The following ADAMTS17 variants were observed in gnomAD, a reference collection of about 807,000 sequenced individuals.
ADAMTS17 encodes the protein ADAM metallopeptidase with thrombospondin type 1 motif 17, also known as A disintegrin and metalloproteinase with thrombospondin motifs 17.
Under a neutral mutation model 141.5 loss-of-function variants are expected in ADAMTS17, and 113 were observed. The observed-to-expected ratio is 0.80, with a 90% CI of 0.69 to 0.93. The LOEUF is 0.93. Among genes scored for constraint, ADAMTS17 ranks in the 40% least tolerant of loss-of-function variants. The pLI is 0.00. For synonymous variants in ADAMTS17, 768 were observed against 630.6 expected (o/e 1.22, Z -3.27); for missense variants, 1,659 against 1,517.9 (o/e 1.09, Z -1.54).
rs746966573 is a variant in ADAMTS17 at position 100,193,336 on chromosome 15, G to A, written c.1181+5982C>T. On this transcript the variant is annotated intron_variant, in intron 8 of 21. Transcript: ENST00000268070. ...CATTCAGAATAGCTGGGTCCTGAGCGCTCACTCAGAAGTGGTGAGGTGCAT... is the reference window on the plus strand; with the variant it reads ...CATTCAGAATAGCTGGGTCCTGAGCACTCACTCAGAAGTGGTGAGGTGCAT... Among the ~76,000 whole-genome samples, 5 of 152,306 alleles carry A rather than the reference G, an allele frequency of 3.3e-5. No homozygotes were observed. In the East Asian group the frequency reaches 7.7e-4, roughly 24 times the overall value.
intron 7 of ADAMTS17, among the ~76,000 whole-genome samples, chr15:100,252,549 C>G (rs904458841): frequency 6.6e-6 from 1 of 152,190 alleles, no homozygotes; most frequent in African/African-American, 2.4e-5. Context: ...AAGCCTGACC[C>G]GTGAACCCCA....
chr15:99,973,158 G>T lies in ADAMTS17; in HGVS notation c.*1244C>A, dbSNP rs561561821. The T allele has an allele frequency of 1.1e-5, 1 of 89,220 alleles. No individual in the cohort carries two copies. The highest frequency in any genetic ancestry group is 3.9e-5 in the African/African-American group (1 of 25,472). 5.5% of individuals were successfully genotyped at this position (89,220 alleles called of 1,614,324 possible). On this transcript the variant is annotated 3_prime_UTR_variant, in exon 22 of 22. Transcript: ENST00000268070. ...GCTGCCAGGCGTAAGGGGGCTGCAGGGGGGAAGGACCTTCCTTCATCATGC... is the reference window on the plus strand; with the variant it reads ...GCTGCCAGGCGTAAGGGGGCTGCAGTGGGGAAGGACCTTCCTTCATCATGC...
chr15:100,091,463 G>A (rs940903912), intron 15 of ADAMTS17, among the ~76,000 whole-genome samples: 1 of 152,168 alleles, frequency 6.6e-6, no homozygotes, highest in Admixed American at 6.5e-5. Flanking sequence ...CCTTTGCCGT[G>A]GTTCCAGGAG....
In ADAMTS17 at chr15:100,215,551, C is replaced by A. The variant is rs573413502; in HGVS notation, c.1076-16128G>T. Among the ~76,000 whole-genome samples, 279 of 152,196 alleles carry A rather than the reference C, an allele frequency of 1.8e-3. 2 individuals carry two copies. The highest frequency in any genetic ancestry group is 6.1e-3 in the African/African-American group (254 of 41,524). On this transcript the variant is annotated intron_variant, in intron 7 of 21. Transcript: ENST00000268070. ...AGAGAAGTTGACAGCCCCTAAGATA[C>A]CTGCCCTGGTCACTGCTGCCCTTGG...
intron 12 of ADAMTS17, among the ~76,000 whole-genome samples, chr15:100,124,453 A>C (rs1217802733): frequency 6.6e-6 from 1 of 152,248 alleles, no homozygotes; most frequent in Non-Finnish European, 1.5e-5. Flanking sequence ...GAACGGCCAA[A>C]ACCAGAGAGA....
chr15:100,107,582 T>A (rs1014870774), intron 14 of ADAMTS17, among the ~76,000 whole-genome samples: 3 of 152,036 alleles, frequency 2.0e-5, no homozygotes, highest in African/African-American at 7.2e-5. Context: ...AAGGTGATGG[T>A]GTTAGGAGGT....
chr15:100,018,304 T>A (rs1208479165), intron 18 of ADAMTS17, among the ~76,000 whole-genome samples: 1 of 151,940 alleles, frequency 6.6e-6, no homozygotes, highest in Non-Finnish European at 1.5e-5. Context: ...CCTAATCAGA[T>A]AATGGGCAAA....
Position 100,078,923 on chromosome 15 carries a change from G to T in ADAMTS17, c.2137+17433C>A, listed in dbSNP as rs554103281. On this transcript the variant is annotated intron_variant, in intron 15 of 21. Coordinates refer to ENST00000268070, the MANE Select transcript of ADAMTS17 (RefSeq NM_139057.4). ...GCAAAGGATTTTAACAGGCACTTCC[G>T]CAAAAAAGATATATGAACAATCCAT... Among the ~76,000 whole-genome samples, 13 of 152,140 alleles carry T rather than the reference G, an allele frequency of 8.5e-5. No individual in the cohort carries two copies. In the South Asian group the frequency reaches 2.7e-3, roughly 32 times the overall value.
chr15:100,110,467 T>C (rs2036702918), intron 13 of ADAMTS17, among the ~76,000 whole-genome samples: 1 of 151,776 alleles, frequency 6.6e-6, no homozygotes, highest in African/African-American at 2.4e-5. Context: ...CGTTTCACCG[T>C]GTTAGCCAGG....
intron 12 of ADAMTS17, among the ~76,000 whole-genome samples, chr15:100,118,334 T>C (rs1463240991): frequency 6.6e-6 from 1 of 152,228 alleles, no homozygotes; most frequent in Non-Finnish European, 1.5e-5. Context: ...TCTACCCAGT[T>C]GTCTTGGAGA....
intron 10 of ADAMTS17, 23 bp from the exon 11 acceptor site, chr15:100,133,338 A>C: frequency 6.4e-7 from 1 of 1,560,742 alleles, no homozygotes; most frequent in East Asian, 2.4e-5. Flanking sequence ...GGAAGGAACC[A>C]TAATTGTGGA....
At chr15:100,264,107 A>T (rs1026649155) in intron 4 of ADAMTS17, among the ~76,000 whole-genome samples, 9 of 152,268 alleles carry the variant, frequency 5.9e-5, no homozygotes, top group Non-Finnish European at 1.2e-4. Context: ...AAGGAAAAAT[A>T]GAACACATTC....
At position 100,163,008 on chromosome 15, in the gene ADAMTS17, G is replaced by GTATATATAACTATATATGTA. The variant is rs1555467789; in HGVS notation, c.1182-7708_1182-7689dup. Among the ~76,000 whole-genome samples the GTATATATAACTATATATGTA allele has an allele frequency of 0.012, 1,666 of 141,920 alleles. 75 individuals are homozygous for GTATATATAACTATATATGTA. In the East Asian group the frequency reaches 0.14, roughly 12 times the overall value. 93.1% of individuals were successfully genotyped at this position (141,920 alleles called of 152,430 possible). On this transcript the variant is annotated intron_variant, in intron 8 of 21. Transcript: ENST00000268070. ...TATATAACTATATATGTATATATGTGTATATATAACTATATATGTATATAT... is the reference window on the plus strand; with the variant it reads ...TATATAACTATATATGTATATATGTGTATATATAACTATATATGTATATATATAACTATATATGTATATAT...
chr15:100,132,178 G>T, intron 11 of ADAMTS17, 26 bp from the exon 12 acceptor site: 2 of 1,609,896 alleles, frequency 1.2e-6, no homozygotes, highest in Non-Finnish European at 1.7e-6. Context: ...GAGGGTCGGG[G>T]CCCAGGCACT....
chr15:100,216,633 G>A (rs1160084980), intron 7 of ADAMTS17, among the ~76,000 whole-genome samples: 2 of 152,078 alleles, frequency 1.3e-5, no homozygotes, highest in African/African-American at 4.8e-5. Context: ...ACAAGCTCAC[G>A]GAACCCTTTT....
rs559115974 is a variant in ADAMTS17 at position 100,042,245 on chromosome 15, G to A, written c.2591+6612C>T. On this transcript the variant is annotated intron_variant, in intron 18 of 21. Transcript: ENST00000268070. Reference sequence around the variant, plus strand: ...CTAGCATGAATCCATGTAACCATAGGTTCTTATGAAAGACTCATGACAACT... The same window carrying A: ...CTAGCATGAATCCATGTAACCATAGATTCTTATGAAAGACTCATGACAACT... Among the ~76,000 whole-genome samples, 10 of 152,184 alleles carry A rather than the reference G, an allele frequency of 6.6e-5. No individual in the cohort carries two copies. In the South Asian group the frequency reaches 1.9e-3, roughly 28 times the overall value.
chr15:100,189,570 T>C (rs1290212666), intron 8 of ADAMTS17, among the ~76,000 whole-genome samples: 3 of 152,166 alleles, frequency 2.0e-5, no homozygotes, highest in Admixed American at 2.0e-4. Context: ...CACATGCCTC[T>C]GTATGGAAGG....
At chr15:100,099,593 A>G (rs546104582) in intron 14 of ADAMTS17, among the ~76,000 whole-genome samples, 111 of 152,202 alleles carry the variant, frequency 7.3e-4, no homozygotes, top group Non-Finnish European at 1.5e-3. Flanking sequence ...AGGAATCTTC[A>G]TCACCCATTT....
chr15:100,272,510 G>A (rs1370278973), intron 4 of ADAMTS17, among the ~76,000 whole-genome samples: 1 of 150,318 alleles, frequency 6.7e-6, no homozygotes. Flanking sequence ...ATATAGAAAT[G>A]CAACTGATTT....
Sources: gnomAD v4.1 joint callset for allele counts (sites outside exome capture counted in the v4.1 genomes callset) on GRCh38, gnomAD v4.1.1 for gene constraint, MANE v1.5 for transcripts, NCBI Gene and HGNC (gene_info 2026-07-23, HGNC 2026-07-21) for gene names.